The following LRMDA variants were observed in gnomAD, a reference collection of about 807,000 sequenced individuals.
LRMDA encodes leucine rich melanocyte differentiation associated.
LRMDA carries 18 observed loss-of-function variants against 29.8 expected under a neutral mutation model. The observed-to-expected ratio is 0.60, with a 90% confidence interval of 0.42 to 0.90. The LOEUF is 0.90. LRMDA is among the 40% of genes least tolerant of loss of function. LRMDA has a pLI of 0.00. For missense variants in LRMDA, 273 were observed against 273.9 expected, an observed-to-expected ratio of 1.00 and a Z score of 0.02; for synonymous variants, 125 against 109.4, an observed-to-expected ratio of 1.14 and a Z score of -0.89.
At chr10:76,276,006 A>AATCG (rs1554861585) in intron 5 of LRMDA, among the ~76,000 whole-genome samples, 1 of 146,724 alleles carries the variant, frequency 6.8e-6, no homozygotes, top group South Asian at 2.2e-4. Context: ...CAATCTAGTG[A>AATCG]ATCTATCTAT....
chr10:76,134,975 G>A (rs369505701), intron 5 of LRMDA, among the ~76,000 whole-genome samples: 6 of 152,180 alleles, frequency 3.9e-5, no homozygotes, highest in East Asian at 3.8e-4. Flanking sequence ...GAATATTTCT[G>A]CGGCCTTTGA....
At chr10:76,405,480 G>A (rs920333223) in intron 6 of LRMDA, among the ~76,000 whole-genome samples, 6 of 152,176 alleles carry the variant, frequency 3.9e-5, no homozygotes, top group Non-Finnish European at 8.8e-5. Context: ...GGAACAGTGC[G>A]CTGCTGTTTA....
intron 2 of LRMDA, among the ~76,000 whole-genome samples, chr10:75,787,606 C>T (rs550925840): frequency 6.6e-6 from 1 of 152,334 alleles, no homozygotes; most frequent in East Asian, 1.9e-4. Context: ...CCCCTTACCC[C>T]TTAAACATCT....
chr10:76,020,740 A>G (rs1366457383), intron 2 of LRMDA, among the ~76,000 whole-genome samples: 1 of 152,234 alleles, frequency 6.6e-6, no homozygotes, highest in African/African-American at 2.4e-5. Flanking sequence ...TGAAGACCCC[A>G]GCGAGAGCCC....
chr10:76,092,866 T>G (rs1354948492), intron 5 of LRMDA, among the ~76,000 whole-genome samples: 1 of 152,182 alleles, frequency 6.6e-6, no homozygotes, highest in African/African-American at 2.4e-5. Context: ...ATAAAAATGT[T>G]TCCTTTCAAT....
intron 2 of LRMDA, among the ~76,000 whole-genome samples, chr10:75,471,984 C>A (rs981747861): frequency 2.0e-5 from 3 of 152,108 alleles, no homozygotes; most frequent in Admixed American, 2.0e-4. Flanking sequence ...TCAGAAACCC[C>A]TCATCTTCCC....
chr10:75,740,043 C>A (rs1397671889), intron 2 of LRMDA, among the ~76,000 whole-genome samples: 2 of 152,108 alleles, frequency 1.3e-5, no homozygotes, highest in Non-Finnish European at 2.9e-5. Context: ...TTTAAATAAG[C>A]AGAGATTGTA....
intron 2 of LRMDA, among the ~76,000 whole-genome samples, chr10:75,461,388 G>A (rs1844582694): frequency 6.6e-6 from 1 of 152,082 alleles, no homozygotes; most frequent in Admixed American, 6.5e-5. Flanking sequence ...TTTTTCAGAG[G>A]TGGAAGGCAG....
chr10:76,099,864 CTGTT>C (rs1343976150), intron 5 of LRMDA, among the ~76,000 whole-genome samples: 1 of 152,048 alleles, frequency 6.6e-6, no homozygotes, highest in African/African-American at 2.4e-5. Flanking sequence ...AGAATACTGT[CTGTT>C]TTAGTGACTG....
intron 2 of LRMDA, among the ~76,000 whole-genome samples, chr10:75,678,010 C>A (rs1425748290): frequency 6.6e-6 from 1 of 152,004 alleles, no homozygotes; most frequent in African/African-American, 2.4e-5. Flanking sequence ...ATGTGTTTCC[C>A]AAAGCTAAAC....
intron 6 of LRMDA, among the ~76,000 whole-genome samples, chr10:76,328,600 T>C (rs958744778): frequency 6.6e-5 from 10 of 152,136 alleles, no homozygotes; most frequent in African/African-American, 2.2e-4. Context: ...AACTGTGGCC[T>C]TGAGCTGGAA....
chr10:76,091,277 G>A (rs7922939), intron 5 of LRMDA, among the ~76,000 whole-genome samples: 53 of 16,260 alleles, frequency 3.3e-3, no homozygotes, highest in African/African-American at 0.01. Flanking sequence ...CATGGTGGAC[G>A]TGTGTGTGTG....
At chr10:75,599,281 T>C (rs1007587092) in intron 2 of LRMDA, among the ~76,000 whole-genome samples, 1 of 152,114 alleles carries the variant, frequency 6.6e-6, no homozygotes, top group Non-Finnish European at 1.5e-5. Context: ...GTAGAACATT[T>C]CCAGGGAAAT....
intron 2 of LRMDA, among the ~76,000 whole-genome samples, chr10:75,805,675 A>G (rs1241747060): frequency 6.6e-6 from 1 of 152,186 alleles, no homozygotes; most frequent in Non-Finnish European, 1.5e-5. Flanking sequence ...TGGAAGCCAT[A>G]TGCCTTGTGT....
chr10:76,462,886 G>A (rs557187116), intron 6 of LRMDA, among the ~76,000 whole-genome samples: 4 of 152,184 alleles, frequency 2.6e-5, no homozygotes, highest in East Asian at 1.9e-4. Flanking sequence ...ATCACTTCCC[G>A]CTGTTCCCCT....
chr10:75,860,384 C>T (rs1238608681), intron 2 of LRMDA, among the ~76,000 whole-genome samples: 6 of 137,188 alleles, frequency 4.4e-5, no homozygotes, highest in African/African-American at 1.1e-4. Flanking sequence ...TGCAGTGGCG[C>T]GATCTCTGCT....
At chr10:75,734,739 G>A (rs1396347909) in intron 2 of LRMDA, among the ~76,000 whole-genome samples, 2 of 152,192 alleles carry the variant, frequency 1.3e-5, no homozygotes, top group African/African-American at 2.4e-5. Context: ...CTCAGTATAT[G>A]CTAACAAGCC....
At chr10:76,183,184 A>C (rs1460421435) in intron 5 of LRMDA, among the ~76,000 whole-genome samples, 1 of 152,220 alleles carries the variant, frequency 6.6e-6, no homozygotes, top group Admixed American at 6.5e-5. Context: ...TCACACTTAC[A>C]TCAGCTCAAA....
chr10:76,393,496 A>T (rs1376181694), intron 6 of LRMDA, among the ~76,000 whole-genome samples: 2 of 152,144 alleles, frequency 1.3e-5, no homozygotes, highest in African/African-American at 4.8e-5. Flanking sequence ...TCCTTTGCCC[A>T]TATTTTAATT....
Sources: allele counts gnomAD v4.1 joint callset (sites outside exome capture counted in the v4.1 genomes callset), GRCh38; gene constraint gnomAD v4.1.1; transcripts MANE v1.5; gene names NCBI Gene and HGNC (gene_info 2026-07-23, HGNC 2026-07-21).